The following CAMTA2 variants were observed in gnomAD, a reference collection of about 807,000 sequenced individuals.
CAMTA2 encodes the protein calmodulin-binding transcription activator 2.
Under a neutral mutation model 135.7 loss-of-function variants are expected in CAMTA2, and 56 were observed. The observed-to-expected ratio is 0.41, with a 90% CI of 0.33 to 0.52. The LOEUF is 0.52. CAMTA2 is among the 20% of genes least tolerant of loss of function. CAMTA2 has a pLI of 0.16. For synonymous variants in CAMTA2, 591 were observed against 604.6 expected (o/e 0.98, Z 0.33); for missense variants, 1,358 against 1,553.4 (o/e 0.87, Z 2.11).
chr17:4,974,532 G>T, intron 11 of CAMTA2, 32 bp from the exon 12 acceptor site: 1 of 1,385,074 alleles, frequency 7.2e-7, no homozygotes, highest in South Asian at 1.2e-5. Context: ...AGGCTGAGTG[G>T]GCAGTCTAGG....
At chr17:4,982,474 T>C (rs1486891151) in intron 5 of CAMTA2, among the ~76,000 whole-genome samples, 5 of 152,182 alleles carry the variant, frequency 3.3e-5, no homozygotes, top group Non-Finnish European at 7.3e-5. Context: ...GAGAGCATCA[T>C]TGCTGGGATC....
rs1397406737 is a variant in CAMTA2 at position 4,968,498 on chromosome 17, G to A, written c.*258C>T. 3 of 558,096 alleles carry A rather than the reference G, an allele frequency of 5.4e-6. No homozygotes were observed. Among genetic ancestry groups the A allele is most frequent in the Non-Finnish European group, 9.6e-6 (3 of 311,048 alleles). 34.6% of individuals were successfully genotyped at this position (558,096 alleles called of 1,614,324 possible). ...GGGGAGCAGGGGCAGGCAGGGCTCCGGAGGTCACAGCGGAAGATGCAGGTA... is the reference window on the plus strand; with the variant it reads ...GGGGAGCAGGGGCAGGCAGGGCTCCAGAGGTCACAGCGGAAGATGCAGGTA... On this transcript the variant is annotated 3_prime_UTR_variant, in exon 23 of 23. Coordinates refer to ENST00000348066, the MANE Select transcript of CAMTA2 (RefSeq NM_015099.4).
At position 4,979,884 on chromosome 17, in the gene CAMTA2, T is replaced by C; in HGVS notation, c.1438A>G (p.Ser480Gly). The change falls in exon 9 of 23, where the codon AGC becomes GGC. Residue 480 changes from serine to glycine, a missense_variant. Around this residue, in one of 4 missense-constraint regions of CAMTA2, gnomAD observed 1,077 missense variants for 1,127.5 expected, o/e 0.96. Transcript: ENST00000348066. ...PPSPAPLEPS[S>G]RVGRGEALFG... ...AAGGCCTCTCCTCTTCCTACCCTGCTTGACGGCTCCAAGGGGGCAGGTGAG... is the reference window on the plus strand; with the variant it reads ...AAGGCCTCTCCTCTTCCTACCCTGCCTGACGGCTCCAAGGGGGCAGGTGAG... 1.2e-6 allele frequency: 2 copies of C among 1,613,360 alleles called. No homozygotes were observed. The highest frequency in any genetic ancestry group is 1.7e-6 in the Non-Finnish European group (2 of 1,179,792).
intron 6 of CAMTA2, 115 bp from the exon 7 acceptor site, chr17:4,981,946 C>T (rs1439326663): frequency 7.7e-7 from 1 of 1,290,698 alleles, no homozygotes; most frequent in African/African-American, 1.5e-5. Context: ...ATTTCTGACT[C>T]TCTCCATCCC....
Position 4,969,421 on chromosome 17 carries a change from G to A in CAMTA2, c.3282+79C>T. ...TGAGGCTCACCCAAGTTAGGCTGAT[G>A]CAAGACTCTCTGTAACCCACACACT... is the stretch of plus-strand genomic sequence containing the variant. On this transcript the variant is annotated intron_variant, in intron 20 of 22. Coordinates refer to ENST00000348066, the MANE Select transcript of CAMTA2 (RefSeq NM_015099.4). The surrounding 1 kb of genome is among the most constrained non-coding windows in gnomAD (Gnocchi z 5.6). The A allele has an allele frequency of 6.2e-7, 1 of 1,606,656 alleles. No homozygotes were observed.
chr17:4,973,411 TG>T (rs1972426570), intron 13 of CAMTA2, among the ~76,000 whole-genome samples, 158 bp from the exon 14 acceptor site: 1 of 152,212 alleles, frequency 6.6e-6, no homozygotes, highest in Non-Finnish European at 1.5e-5. Flanking sequence ...GTCAAAGTGT[TG>T]TAAGTCAGGA....
At chr17:4,984,073 C>T (rs915866354) in intron 3 of CAMTA2, among the ~76,000 whole-genome samples, 1 of 152,186 alleles carries the variant, frequency 6.6e-6, no homozygotes, top group Admixed American at 6.5e-5. Flanking sequence ...GCCTCAGCCT[C>T]CTGAGTAGCT....
At chr17:4,981,103 T>C (rs533099670) in intron 8 of CAMTA2, 122 bp downstream of exon 8, 57 of 1,250,290 alleles carry the variant, frequency 4.6e-5, no homozygotes, top group Non-Finnish European at 6.1e-5. Context: ...CCCATCTTTC[T>C]GGGACATGCA....
rs766358642 is a variant in CAMTA2 at position 4,969,920 on chromosome 17, C to A, written c.3171G>T (p.Thr1057=). The A allele has an allele frequency of 1.9e-6, 3 of 1,614,148 alleles. No individual in the cohort carries two copies. Among genetic ancestry groups the A allele is most frequent in the Admixed American group, 3.3e-5 (2 of 60,008 alleles). ...ELYEAARVIQ[T]AFRKYKGRRL... ...CCCTGACCTTGTACTTTCGGAAGGC[C>A]GTCTGGATGACTCGGGCAGCCTCAT... The change falls in exon 18 of 23, where the codon ACG becomes ACT. Residue 1057 remains threonine (T), a synonymous_variant. Transcript: ENST00000348066. The surrounding 1 kb of genome is among the most constrained non-coding windows in gnomAD (Gnocchi z 5.6).
chr17:4,987,014 C>A (rs1260353602), intron 1 of CAMTA2: 9 of 1,433,500 alleles, frequency 6.3e-6, no homozygotes, highest in East Asian at 2.8e-5. Context: ...CAGATGGGAG[C>A]TGGCGGAGGC....
At chr17:4,986,036 G>A in intron 2 of CAMTA2, 53 bp from the exon 3 acceptor site, 2 of 1,359,326 alleles carry the variant, frequency 1.5e-6, no homozygotes, top group Non-Finnish European at 2.1e-6. Context: ...GCATCCCTGT[G>A]ATAGTCCAAG....
At position 4,980,268 on chromosome 17, in the gene CAMTA2, G is replaced by T. The variant is rs1328552305; in HGVS notation, c.1054C>A (p.Pro352Thr). The change falls in exon 9 of 23, where the codon CCT becomes ACT. Residue 352 changes from proline to threonine, a missense_variant. Transcript: ENST00000348066. The surrounding 1 kb of genome is among the most constrained non-coding windows in gnomAD (Gnocchi z 5.3). ...ACAACCACTGCCAAACTCATGGAAGGCCTAGGATCAGCCTGTGGAGCCAAG... is the reference window on the plus strand; with the variant it reads ...ACAACCACTGCCAAACTCATGGAAGTCCTAGGATCAGCCTGTGGAGCCAAG... ...RHLAPQADPR[P>T]SMSLAVVVGT... is the part of the protein sequence containing the mutation. 6.2e-7 allele frequency: 1 copy of T among 1,600,918 alleles called. No homozygotes were observed. Among genetic ancestry groups the T allele is most frequent in the Admixed American group, 1.7e-5 (1 of 59,006 alleles).
chr17:4,969,076 TG>T lies in CAMTA2; in HGVS notation c.3470+73del. 1 of 1,581,738 alleles carries T rather than the reference TG, an allele frequency of 6.3e-7. No individual in the cohort carries two copies. Among genetic ancestry groups the T allele is most frequent in the Non-Finnish European group, 8.6e-7 (1 of 1,157,270 alleles). ...GGCAGGGAATGGCAGTGAGGCATGATGATCAAGAGGATGAGTAAGGGGGAAT... is the reference window on the plus strand; with the variant it reads ...GGCAGGGAATGGCAGTGAGGCATGATATCAAGAGGATGAGTAAGGGGGAAT... On this transcript the variant is annotated intron_variant, in intron 21 of 22. Coordinates refer to ENST00000348066, the MANE Select transcript of CAMTA2 (RefSeq NM_015099.4). The surrounding 1 kb of genome is among the most constrained non-coding windows in gnomAD (Gnocchi z 5.6).
chr17:4,980,532 T>C lies in CAMTA2; in HGVS notation c.790A>G (p.Ile264Val). Residue 264 changes from isoleucine to valine, a missense_variant, in exon 9 of 23, where the codon ATC becomes GTC. Around this residue, in one of 4 missense-constraint regions of CAMTA2, gnomAD observed 1,077 missense variants for 1,127.5 expected, o/e 0.96. Coordinates refer to ENST00000348066, the MANE Select transcript of CAMTA2 (RefSeq NM_015099.4). This position sits in a 1 kb window ranked among gnomAD's most constrained non-coding sequence, Gnocchi z 5.3. ...GGCTCTGGGGGGTGAGCGTGGGGGA[T>C]AGAGGTCAGGGTTAAAGCTCGGGGC... ...VEPRALTLTS[I>V]PHAHPPEPPP... The C allele has an allele frequency of 6.3e-6, 10 of 1,592,640 alleles. No homozygotes were observed. Among genetic ancestry groups the C allele is most frequent in the Non-Finnish European group, 8.6e-6 (10 of 1,162,876 alleles).
intron 17 of CAMTA2, 54 bp downstream of exon 17, chr17:4,970,286 C>T (rs1597726167): frequency 6.3e-7 from 1 of 1,589,870 alleles, no homozygotes; most frequent in East Asian, 2.2e-5. Flanking sequence ...CAGCTTTCTC[C>T]CTTCCTCCCA....
intron 2 of CAMTA2, 23 bp from the exon 3 acceptor site, chr17:4,986,006 G>A: frequency 6.5e-7 from 1 of 1,542,840 alleles, no homozygotes; most frequent in Non-Finnish European, 9.0e-7. Flanking sequence ...AGAAGGGAGG[G>A]TTTAGTGTGC....
rs1973304653 is a variant in CAMTA2, at chr17:4,986,405, G to A, written c.-64-119C>T. ...AGTATCTGGGAAGGATGAGGAAAGG[G>A]AGGGAGGGGCTGACTGTGATGTGAC... is the stretch of plus-strand genomic sequence containing the variant. On this transcript the variant is annotated intron_variant, in intron 1 of 22. Coordinates refer to ENST00000348066, the MANE Select transcript of CAMTA2 (RefSeq NM_015099.4). 7 of 603,416 alleles carry A rather than the reference G, an allele frequency of 1.2e-5. No homozygotes were observed. The East Asian group carries it at 1.9e-4, about 17-fold the overall frequency. 37.4% of individuals were successfully genotyped at this position (603,416 alleles called of 1,614,324 possible).
rs960606241 is a variant in CAMTA2, at chr17:4,986,254, G to A, written c.-32C>T. The A allele has an allele frequency of 5.1e-6, 8 of 1,565,820 alleles. No homozygotes were observed. The highest frequency in any genetic ancestry group is 2.2e-5 in the East Asian group (1 of 44,666). ...GGCTCCAGGGGGCAAGGTCACCCCCGGCCTGAGGGGCCGGGGGGAGGGGGA... is the reference window on the plus strand; with the variant it reads ...GGCTCCAGGGGGCAAGGTCACCCCCAGCCTGAGGGGCCGGGGGGAGGGGGA... On this transcript the variant is annotated 5_prime_UTR_variant, in exon 2 of 23. Transcript: ENST00000348066.
rs764843239 is a variant in CAMTA2 at position 4,973,026 on chromosome 17, T to C, written c.2281-35A>G. The C allele has an allele frequency of 3.2e-6, 5 of 1,581,718 alleles. No individual in the cohort carries two copies. In the South Asian group the frequency reaches 5.5e-5, roughly 17 times the overall value. Reference sequence around the variant, plus strand: ...GGGGCGGGACAGGCGGAGACGGAGGTGGAGGTGAGGCCAGGGGCTCTTCCT... The same window carrying C: ...GGGGCGGGACAGGCGGAGACGGAGGCGGAGGTGAGGCCAGGGGCTCTTCCT... On this transcript the variant is annotated intron_variant, in intron 14 of 22. Coordinates refer to ENST00000348066, the MANE Select transcript of CAMTA2 (RefSeq NM_015099.4).
Sources: allele counts gnomAD v4.1 joint callset (sites outside exome capture counted in the v4.1 genomes callset), GRCh38; gene constraint gnomAD v4.1.1; regional missense constraint gnomAD v4.1.1; non-coding constraint Gnocchi (gnomAD v3.1); transcripts MANE v1.5; gene names NCBI Gene and HGNC (gene_info 2026-07-23, HGNC 2026-07-21).